The following DCBLD2 variants were observed in gnomAD, a reference collection of about 807,000 sequenced individuals.
The protein encoded by DCBLD2 is discoidin, CUB and LCCL domain containing 2, also known as discoidin, CUB and LCCL domain-containing protein 2.
In DCBLD2, 54 loss-of-function variants were observed where a neutral mutation model predicts 86.8. That is an observed-to-expected ratio of 0.62 (90% CI 0.50 to 0.78). DCBLD2 has a LOEUF of 0.78. DCBLD2 is among the 30% of genes least tolerant of loss of function. The pLI, the probability that DCBLD2 is intolerant of heterozygous loss-of-function variation, is 0.00. For synonymous variants in DCBLD2, 354 were observed against 341.3 expected (o/e 1.04, Z -0.41); for missense variants, 908 against 954.2 (o/e 0.95, Z 0.64).
chr3:98,870,740 AG>A (rs1559794422), intron 2 of DCBLD2, among the ~76,000 whole-genome samples: 1 of 49,598 alleles, frequency 2.0e-5, no homozygotes, highest in African/African-American at 7.8e-5. Context: ...AGAAAGAAAA[AG>A]AAAGAAAGAA....
intron 2 of DCBLD2, among the ~76,000 whole-genome samples, chr3:98,857,498 G>A (rs780694480): frequency 9.9e-5 from 15 of 152,234 alleles, no homozygotes; most frequent in Middle Eastern, 3.4e-3. Flanking sequence ...TTATTGGTCC[G>A]TTATGACAGG....
chr3:98,801,146 T>C (rs1171385621), intron 14 of DCBLD2, among the ~76,000 whole-genome samples: 1 of 152,272 alleles, frequency 6.6e-6, no homozygotes, highest in Non-Finnish European at 1.5e-5. Flanking sequence ...CCCTTTGGTG[T>C]CACTTGCAGC....
Position 98,901,252 on chromosome 3 carries a change from G to T in DCBLD2, c.75C>A (p.Pro25=). 1.3e-6 allele frequency: 2 copies of T among 1,531,686 alleles called. No individual in the cohort carries two copies. The highest frequency in any genetic ancestry group is 1.4e-5 in the African/African-American group (1 of 73,028). The allele number at this position is 1,531,686 out of a possible 1,614,324, so 94.9% of individuals were successfully genotyped here. ...GGGAGAGGGGGAGCGCGGCCCAGGC[G>T]GGGGCGGCGGCCGCGGCCCGGACTT... ...CPQVRAAAAA[P]AWAALPLSRS... The change falls in exon 1 of 16, where the codon CCC becomes CCA. Residue 25 remains proline (P), a synonymous_variant. Coordinates refer to ENST00000326840, the MANE Select transcript of DCBLD2 (RefSeq NM_080927.4).
rs532446303 is a variant in DCBLD2 at position 98,836,673 on chromosome 3, G to A, written c.572-11307C>T. Among the ~76,000 whole-genome samples the A allele has an allele frequency of 1.1e-3, 132 of 116,024 alleles. 6 individuals are homozygous for A. In the East Asian group the frequency reaches 0.02, roughly 18 times the overall value. The allele number at this position is 116,024 out of a possible 152,430, so 76.1% of individuals were successfully genotyped here. A position where few individuals can be genotyped will look rare whatever the true frequency, so the allele number is the denominator to read the frequency against. On this transcript the variant is annotated intron_variant, in intron 3 of 15. Transcript: ENST00000326840. The stretch of plus-strand genomic sequence containing the variant: ...TCCTCACTTCCCAGTAGGGGCGGCC[G>A]GGCAGAGGCGCCCATCACCTCCCGG...
intron 1 of DCBLD2, among the ~76,000 whole-genome samples, chr3:98,899,082 T>TA (rs5851142): frequency 4.3e-4 from 63 of 147,530 alleles, no homozygotes; most frequent in African/African-American, 1.1e-3. Flanking sequence ...TTAGAAGAAC[T>TA]AAAAAAAAAA....
At chr3:98,851,471 G>A (rs1341384242) in intron 2 of DCBLD2, among the ~76,000 whole-genome samples, 2 of 152,098 alleles carry the variant, frequency 1.3e-5, no homozygotes, top group Non-Finnish European at 2.9e-5. Context: ...TTCCATGCTC[G>A]TGGATAGGAA....
intron 2 of DCBLD2, 73 bp from the exon 3 acceptor site, chr3:98,849,671 A>C: frequency 6.6e-7 from 1 of 1,505,932 alleles, no homozygotes; most frequent in South Asian, 1.3e-5. Context: ...TGTAGATAAC[A>C]GAAGCAGAAT....
Position 98,811,449 on chromosome 3 carries a change from A to G in DCBLD2, c.1450+19T>C, listed in dbSNP as rs554757862. On this transcript the variant is annotated intron_variant, in intron 11 of 15. Transcript: ENST00000326840. ...TAAATCCAAGGAATATCAAATTCTC[A>G]CATTAAAAACAGGCATACCTTTGGC... 6.2e-7 allele frequency: 1 copy of G among 1,613,400 alleles called. No homozygotes were observed. The highest frequency in any genetic ancestry group is 1.3e-5 in the African/African-American group (1 of 75,026).
At chr3:98,811,107 A>T in intron 12 of DCBLD2, 87 bp downstream of exon 12, 1 of 1,405,940 alleles carries the variant, frequency 7.1e-7, no homozygotes, top group Non-Finnish European at 9.4e-7. Context: ...GAAGAAAATA[A>T]ACTGAAGGTT....
chr3:98,820,187 C>T, intron 7 of DCBLD2, 61 bp downstream of exon 7: 1 of 1,088,320 alleles, frequency 9.2e-7, no homozygotes, highest in Non-Finnish European at 1.2e-6. Flanking sequence ...TGACACAGTG[C>T]CTAACAGTGT....
intron 2 of DCBLD2, among the ~76,000 whole-genome samples, chr3:98,859,395 A>T (rs1942997745): frequency 1.3e-5 from 2 of 152,220 alleles, no homozygotes; most frequent in South Asian, 4.1e-4. Context: ...CCCAGCATGG[A>T]GTCTGAGATC....
chr3:98,800,481 A>T, intron 15 of DCBLD2, 98 bp downstream of exon 15: 1 of 1,325,408 alleles, frequency 7.5e-7, no homozygotes. Flanking sequence ...TTTCTTAAAC[A>T]TGAAAGGGAT....
At chr3:98,867,779 G>T (rs533881383) in intron 2 of DCBLD2, among the ~76,000 whole-genome samples, 2 of 151,408 alleles carry the variant, frequency 1.3e-5, no homozygotes, top group Admixed American at 1.3e-4. Flanking sequence ...TTAACTCAAA[G>T]AAATAACATT....
At position 98,808,149 on chromosome 3, in the gene DCBLD2, G is replaced by A. The variant is rs1284548330; in HGVS notation, c.1602C>T (p.Val534=). 4 of 1,604,428 alleles carry A rather than the reference G, an allele frequency of 2.5e-6. No individual in the cohort carries two copies. The Admixed American group carries it at 5.1e-5, about 21-fold the overall frequency. ...TAGTGAGGACCATGACCAGCACAGGGACAAGAACTGCAGCCAGCGCTACAT... is the reference window on the plus strand; with the variant it reads ...TAGTGAGGACCATGACCAGCACAGGAACAAGAACTGCAGCCAGCGCTACAT... ...TKDVALAAVL[V]PVLVMVLTTL... The change falls in exon 13 of 16, where the codon GTC becomes GTT. Residue 534 remains valine (V), a synonymous_variant. Transcript: ENST00000326840.
chr3:98,845,481 T>A (rs1466045726), intron 3 of DCBLD2, among the ~76,000 whole-genome samples: 1 of 152,226 alleles, frequency 6.6e-6, no homozygotes, highest in Non-Finnish European at 1.5e-5. Flanking sequence ...GTTACATTTA[T>A]AACGAGACCT....
chr3:98,852,909 A>G (rs1942866847), intron 2 of DCBLD2, among the ~76,000 whole-genome samples: 3 of 152,172 alleles, frequency 2.0e-5, no homozygotes, highest in Admixed American at 2.0e-4. Flanking sequence ...TGAGCCCCAG[A>G]TGAGAAACGT....
rs780577512 is a variant in DCBLD2 at position 98,901,233 on chromosome 3, G to C, written c.94C>G (p.Leu32Val). The change falls in exon 1 of 16, where the codon CTC becomes GTC. Residue 32 changes from leucine to valine, a missense_variant. Leu to Val is a conservative substitution (Grantham distance 32). Transcript: ENST00000326840. ...GAGCAGGGAGGGAGGGAGCGGGAGA[G>C]GGGGAGCGCGGCCCAGGCGGGGGCG... ...AAAPAWAALP[L>V]SRSLPPCSNS... 1.1e-5 allele frequency: 17 copies of C among 1,534,878 alleles called. 1 individual carries two copies. The South Asian group carries it at 1.5e-4, about 14-fold the overall frequency.
At chr3:98,851,024 G>A (rs1048844350) in intron 2 of DCBLD2, among the ~76,000 whole-genome samples, 5 of 152,176 alleles carry the variant, frequency 3.3e-5, no homozygotes, top group African/African-American at 1.2e-4. Flanking sequence ...CATTCCCTTT[G>A]AAAACCTGCA....
intron 2 of DCBLD2, among the ~76,000 whole-genome samples, chr3:98,864,107 T>C (rs1244151781): frequency 6.6e-6 from 1 of 152,210 alleles, no homozygotes; most frequent in Non-Finnish European, 1.5e-5. Flanking sequence ...AAAAAAATGC[T>C]CATCATCACT....
Sources: gnomAD v4.1 joint callset for allele counts (sites outside exome capture counted in the v4.1 genomes callset) on GRCh38, gnomAD v4.1.1 for gene constraint, MANE v1.5 for transcripts, NCBI Gene and HGNC (gene_info 2026-07-23, HGNC 2026-07-21) for gene names.